The following LHFPL6 variants were observed in gnomAD, a reference collection of about 807,000 sequenced individuals.
The protein encoded by LHFPL6 is LHFPL tetraspan subfamily member 6.
Under a neutral mutation model 20.6 loss-of-function variants are expected in LHFPL6, and 9 were observed. That is an observed-to-expected ratio of 0.44 (90% CI 0.26 to 0.76). The LOEUF (loss-of-function observed/expected upper bound fraction) is 0.76, where lower values mean the gene tolerates loss of function less well. Among genes scored for constraint, LHFPL6 ranks in the 30% least tolerant of loss-of-function variants. The pLI, the probability that LHFPL6 is intolerant of heterozygous loss-of-function variation, is 0.20. For synonymous variants in LHFPL6, 105 were observed against 98.7 expected (o/e 1.06, Z -0.38); for missense variants, 218 against 253.5 (o/e 0.86, Z 0.95).
intron 2 of LHFPL6, among the ~76,000 whole-genome samples, chr13:39,497,241 C>T (rs772782200): frequency 2.0e-5 from 3 of 152,088 alleles, no homozygotes; most frequent in Non-Finnish European, 2.9e-5. Flanking sequence ...AGTAAAAAAT[C>T]GGCTATCACA....
intron 2 of LHFPL6, among the ~76,000 whole-genome samples, chr13:39,488,512 C>A (rs55838454): frequency 0.31 from 47,318 of 151,984 alleles, 7,826 homozygotes; most frequent in Middle Eastern, 0.43. Flanking sequence ...CCCTTACTCT[C>A]CACTGAATCA....
chr13:39,431,040 A>T (rs1347478271), intron 2 of LHFPL6, among the ~76,000 whole-genome samples: 1 of 152,202 alleles, frequency 6.6e-6, no homozygotes, highest in Non-Finnish European at 1.5e-5. Context: ...TCCTGAAGTC[A>T]GAGAGACCAC....
chr13:39,388,374 T>C (rs1228720102), intron 2 of LHFPL6, among the ~76,000 whole-genome samples: 5 of 152,202 alleles, frequency 3.3e-5, no homozygotes, highest in Admixed American at 6.5e-5. Context: ...GAGTGACTTG[T>C]CACTTTTTAT....
At chr13:39,348,236 G>A (rs138741123) in intron 3 of LHFPL6, among the ~76,000 whole-genome samples, 12 of 152,058 alleles carry the variant, frequency 7.9e-5, no homozygotes, top group Non-Finnish European at 1.8e-4. Context: ...CCCTTTGCTG[G>A]TTCTGGACTC....
chr13:39,393,884 C>T (rs576093836), intron 2 of LHFPL6, among the ~76,000 whole-genome samples: 8 of 152,288 alleles, frequency 5.3e-5, no homozygotes, highest in African/African-American at 9.6e-5. Flanking sequence ...TATCCTCACA[C>T]GGTCTTTCCT....
intron 2 of LHFPL6, among the ~76,000 whole-genome samples, chr13:39,415,509 A>C (rs1297458658): frequency 6.6e-6 from 1 of 152,092 alleles, no homozygotes; most frequent in African/African-American, 2.4e-5. Flanking sequence ...TGAAAAAAAA[A>C]AAAACAAAAA....
chr13:39,413,492 C>G (rs1191912979), intron 2 of LHFPL6, among the ~76,000 whole-genome samples: 3 of 149,708 alleles, frequency 2.0e-5, no homozygotes, highest in African/African-American at 7.4e-5. Flanking sequence ...ACTATGTTGC[C>G]CAGGCTGGCC....
intron 2 of LHFPL6, among the ~76,000 whole-genome samples, chr13:39,390,290 G>C: frequency 6.6e-6 from 1 of 151,734 alleles, no homozygotes; most frequent in East Asian, 1.9e-4. Flanking sequence ...AGATAAATAA[G>C]AAAAGTACCA....
At chr13:39,537,436 C>G (rs1566135828) in intron 2 of LHFPL6, among the ~76,000 whole-genome samples, 3 of 152,202 alleles carry the variant, frequency 2.0e-5, no homozygotes, top group South Asian at 4.1e-4. Context: ...CAGATTTATC[C>G]TTACAGCTCC....
At chr13:39,375,500 G>C (rs946207458) in intron 3 of LHFPL6, among the ~76,000 whole-genome samples, 1 of 152,106 alleles carries the variant, frequency 6.6e-6, no homozygotes, top group African/African-American at 2.4e-5. Context: ...AGACTAGCCT[G>C]GCCAACACGG....
intron 2 of LHFPL6, among the ~76,000 whole-genome samples, chr13:39,425,741 A>G (rs1247091427): frequency 6.6e-6 from 1 of 152,026 alleles, no homozygotes; most frequent in Admixed American, 6.6e-5. Context: ...AAGTTTTGAG[A>G]GTTCTTTATA....
chr13:39,590,351 C>T (rs1024862752), intron 2 of LHFPL6, among the ~76,000 whole-genome samples: 2 of 152,114 alleles, frequency 1.3e-5, no homozygotes, highest in Non-Finnish European at 2.9e-5. Flanking sequence ...GAAGTTCTGC[C>T]GCAATGAATC....
At chr13:39,442,714 C>G (rs969577421) in intron 2 of LHFPL6, among the ~76,000 whole-genome samples, 15 of 151,814 alleles carry the variant, frequency 9.9e-5, no homozygotes, top group African/African-American at 3.6e-4. Flanking sequence ...TTTTTTCTTT[C>G]TTGCACTGTG....
chr13:39,571,115 T>A (rs1384024202), intron 2 of LHFPL6, among the ~76,000 whole-genome samples: 1 of 152,206 alleles, frequency 6.6e-6, no homozygotes, highest in Non-Finnish European at 1.5e-5. Context: ...CAGGCTTTAT[T>A]TCAATAAATG....
chr13:39,363,768 G>T (rs1566094169), intron 3 of LHFPL6, among the ~76,000 whole-genome samples: 1 of 152,068 alleles, frequency 6.6e-6, no homozygotes, highest in Non-Finnish European at 1.5e-5. Context: ...CTGACTCTTT[G>T]GGTACTTGCA....
intron 2 of LHFPL6, among the ~76,000 whole-genome samples, chr13:39,474,041 G>T (rs1368965924): frequency 6.6e-6 from 1 of 152,218 alleles, no homozygotes; most frequent in African/African-American, 2.4e-5. Context: ...TACAGTCATT[G>T]ATTCGAGGCC....
intron 2 of LHFPL6, among the ~76,000 whole-genome samples, chr13:39,481,611 T>A (rs919629275): frequency 6.6e-6 from 1 of 152,002 alleles, no homozygotes; most frequent in Admixed American, 6.6e-5. Flanking sequence ...CATAAAGGAC[T>A]TTAAATAACA....
intron 2 of LHFPL6, among the ~76,000 whole-genome samples, chr13:39,388,714 G>A (rs1329486754): frequency 1.3e-5 from 2 of 152,168 alleles, no homozygotes; most frequent in African/African-American, 4.8e-5. Flanking sequence ...TGTTGTGGGA[G>A]AGATTTGCAA....
intron 2 of LHFPL6, among the ~76,000 whole-genome samples, chr13:39,567,470 A>T (rs1468375301): frequency 1.3e-5 from 2 of 152,232 alleles, no homozygotes; most frequent in Admixed American, 1.3e-4. Context: ...CAAGTAAACA[A>T]TCTCTCAGAG....
Sources: gnomAD v4.1 joint callset for allele counts (sites outside exome capture counted in the v4.1 genomes callset) on GRCh38, gnomAD v4.1.1 for gene constraint, MANE v1.5 for transcripts, NCBI Gene and HGNC (gene_info 2026-07-23, HGNC 2026-07-21) for gene names.